Variants in ACVR1B observed in about 807,000 individuals in gnomAD.
The protein encoded by ACVR1B is activin receptor type-1B.
Under a neutral mutation model 55.6 loss-of-function variants are expected in ACVR1B, and 15 were observed. That is an observed-to-expected ratio of 0.27 (90% confidence interval 0.18 to 0.42). The LOEUF is 0.42. ACVR1B is among the 10% of genes least tolerant of loss of function. ACVR1B has a pLI of 1.00. For synonymous variants in ACVR1B, 247 were observed against 254.6 expected, an observed-to-expected ratio of 0.97 and a Z score of 0.28; for missense variants, 359 against 670.1, an observed-to-expected ratio of 0.54 and a Z score of 5.13.
intron 7 of ACVR1B, among the ~76,000 whole-genome samples, chr12:51,988,323 G>A (rs2120726683): frequency 6.6e-6 from 1 of 152,326 alleles, no homozygotes; most frequent in East Asian, 1.9e-4. Flanking sequence ...ACAAAAATTA[G>A]CAGGGCATGG....
At chr12:51,968,037 C>G (rs1004057565) in intron 1 of ACVR1B, among the ~76,000 whole-genome samples, 2 of 152,322 alleles carry the variant, frequency 1.3e-5, no homozygotes, top group Admixed American at 1.3e-4. Context: ...GAGTTCGAGA[C>G]CAGCCTGGCC....
chr12:51,983,175 A>G (rs996192622), intron 4 of ACVR1B, among the ~76,000 whole-genome samples: 1 of 152,212 alleles, frequency 6.6e-6, no homozygotes, highest in Non-Finnish European at 1.5e-5. Context: ...GGAATTTTGG[A>G]GATTTCAACT....
intron 4 of ACVR1B, among the ~76,000 whole-genome samples, chr12:51,982,237 C>T (rs1941994254): frequency 6.6e-6 from 1 of 152,164 alleles, no homozygotes. Context: ...GCACTGCAGA[C>T]ATGTGCAAAG....
At chr12:51,987,004 T>C in intron 7 of ACVR1B, 62 bp downstream of exon 7, 1 of 1,610,914 alleles carries the variant, frequency 6.2e-7, no homozygotes, top group Non-Finnish European at 8.5e-7. Flanking sequence ...CACCCAAAGC[T>C]GTTTTACTGC....
In ACVR1B at chr12:51,994,452, G is replaced by A. The variant is rs1253050666; in HGVS notation, c.*342G>A. 2 of 296,872 alleles carry A rather than the reference G, an allele frequency of 6.7e-6. No homozygotes were observed. Among genetic ancestry groups the A allele is most frequent in the Non-Finnish European group, 1.3e-5 (2 of 154,928 alleles). 18.4% of individuals were successfully genotyped at this position (296,872 alleles called of 1,614,324 possible). A position where few individuals can be genotyped will look rare whatever the true frequency, so the allele number is the denominator to read the frequency against. On this transcript the variant is annotated 3_prime_UTR_variant, in exon 9 of 9. Transcript: ENST00000257963. This position sits in a 1 kb window ranked among gnomAD's most constrained non-coding sequence, Gnocchi z 4.2. ...ATGACAGGGGCGCTTGGGAGGGGCC[G>A]GAGGAACCGAGGTGTTGCCAGTGCT...
chr12:51,981,804 G>A (rs967413436), intron 4 of ACVR1B, among the ~76,000 whole-genome samples: 3 of 151,424 alleles, frequency 2.0e-5, no homozygotes, highest in East Asian at 1.9e-4. Context: ...AGCTGAGGTC[G>A]CGCCACTGCA....
intron 4 of ACVR1B, among the ~76,000 whole-genome samples, chr12:51,983,006 G>A (rs542517915): frequency 6.6e-6 from 1 of 152,196 alleles, no homozygotes; most frequent in Non-Finnish European, 1.5e-5. Context: ...TGTGTTTCCA[G>A]GATCCATCCC....
intron 8 of ACVR1B, among the ~76,000 whole-genome samples, chr12:51,992,998 A>G (rs1942223583): frequency 6.6e-6 from 1 of 152,210 alleles, no homozygotes; most frequent in Admixed American, 6.5e-5. Context: ...TTTTTTTCCC[A>G]ACTCTATCGA....
At chr12:51,983,008 A>G (rs149714823) in intron 4 of ACVR1B, among the ~76,000 whole-genome samples, 19 of 152,290 alleles carry the variant, frequency 1.2e-4, no homozygotes, top group Non-Finnish European at 2.5e-4. Context: ...TGTTTCCAGG[A>G]TCCATCCCTT....
chr12:51,971,237 T>C (rs1941741778), intron 1 of ACVR1B, among the ~76,000 whole-genome samples: 1 of 152,214 alleles, frequency 6.6e-6, no homozygotes. Flanking sequence ...TGAATCAAAT[T>C]TGCATTTACA....
In ACVR1B at chr12:51,980,970, G is replaced by A; in HGVS notation, c.582G>A (p.Gly194=). 1 of 1,603,918 alleles carries A rather than the reference G, an allele frequency of 6.2e-7. No individual in the cohort carries two copies. Among genetic ancestry groups the A allele is most frequent in the Non-Finnish European group, 8.5e-7 (1 of 1,173,772 alleles). The part of the protein sequence containing the change: ...YDLSTSGSGS[G]LPLFVQRTVA... ...TTCTTCCTATTCTTTGGTTCACAGG[G>A]TTACCCCTCTTTGTCCAGCGCACAG... Residue 194 remains glycine, a splice_region_variant and synonymous_variant, in exon 4 of 9, where the codon GGG becomes GGA. Transcript: ENST00000257963.
At chr12:51,960,385 G>A (rs1401463532) in intron 1 of ACVR1B, among the ~76,000 whole-genome samples, 2 of 152,060 alleles carry the variant, frequency 1.3e-5, no homozygotes, top group Non-Finnish European at 2.9e-5. Context: ...TTGCACCACT[G>A]CACTCCACCC....
At chr12:51,985,594 A>G (rs918474846) in intron 6 of ACVR1B, among the ~76,000 whole-genome samples, 12 of 152,234 alleles carry the variant, frequency 7.9e-5, no homozygotes, top group African/African-American at 2.9e-4. Context: ...GGTGGTATTA[A>G]GGTCGGAGGG....
intron 4 of ACVR1B, chr12:51,982,886 C>T: frequency 7.4e-7 from 1 of 1,355,604 alleles, no homozygotes; most frequent in Non-Finnish European, 9.6e-7. Flanking sequence ...CAAATCATGT[C>T]TTCTCTTTGA....
In ACVR1B at chr12:51,975,247, C is replaced by T. The variant is rs1378101433; in HGVS notation, c.92-18C>T. On this transcript the variant is annotated intron_variant, in intron 1 of 8. Coordinates refer to ENST00000257963, the MANE Select transcript of ACVR1B (RefSeq NM_004302.5). ...ATCTCACCATTGATGTCAATGTCTG[C>T]TCCCCAATTTCCTGCAGCTCTGCTG... The T allele has an allele frequency of 1.2e-6, 2 of 1,600,868 alleles. No individual in the cohort carries two copies. The highest frequency in any genetic ancestry group is 2.2e-5 in the South Asian group (2 of 90,936).
intron 4 of ACVR1B, chr12:51,982,615 G>A (rs151272959): frequency 7.0e-7 from 1 of 1,419,346 alleles, no homozygotes; most frequent in Non-Finnish European, 9.2e-7. Context: ...CTGTGGCATG[G>A]TGCAATTTAG....
At chr12:51,965,379 C>T (rs1222931907) in intron 1 of ACVR1B, among the ~76,000 whole-genome samples, 1 of 152,094 alleles carries the variant, frequency 6.6e-6, no homozygotes, top group Non-Finnish European at 1.5e-5. Context: ...ATATATGATA[C>T]TCATAATAGC....
chr12:51,984,523 C>T (rs1053317491), intron 5 of ACVR1B, among the ~76,000 whole-genome samples: 1 of 152,210 alleles, frequency 6.6e-6, no homozygotes, highest in African/African-American at 2.4e-5. Context: ...CTGGGAACAT[C>T]AGTTTAGTGA....
intron 1 of ACVR1B, among the ~76,000 whole-genome samples, chr12:51,963,530 G>C (rs189727979): frequency 4.6e-5 from 7 of 152,152 alleles, no homozygotes; most frequent in Admixed American, 4.6e-4. Context: ...GAGCCACCAC[G>C]CCTGGCCGAC....
Sources: gnomAD v4.1 joint callset for allele counts (sites outside exome capture counted in the v4.1 genomes callset) on GRCh38, gnomAD v4.1.1 for gene constraint, Gnocchi (gnomAD v3.1) non-coding constraint, MANE v1.5 for transcripts, NCBI Gene and HGNC (gene_info 2026-07-23, HGNC 2026-07-21) for gene names.